Variants in CUBN observed in about 807,000 individuals in gnomAD.
The protein encoded by CUBN is 460 kDa receptor.
In CUBN, 282 loss-of-function variants were observed where a neutral mutation model predicts 405.3. The ratio of observed to expected loss-of-function variants is 0.70; its 90% CI spans 0.63 to 0.77. The LOEUF is 0.77. Among genes scored for constraint, CUBN ranks in the 30% least tolerant of loss-of-function variants. The probability of loss-of-function intolerance (pLI) is 0.00; values close to 1 mark genes in which losing one functional copy is unlikely to be tolerated. For synonymous variants in CUBN, 1,684 were observed against 1,617.0 expected (o/e 1.04, Z -0.99); for missense variants, 4,514 against 4,475.2 (o/e 1.01, Z -0.25).
At chr10:17,123,311 C>A (rs954461008) in intron 5 of CUBN, 8 of 516,434 alleles carry the variant, frequency 1.5e-5, no homozygotes, top group African/African-American at 1.5e-4. Context: ...CTTTCCAATG[C>A]TGAACAATTT....
Position 17,085,607 on chromosome 10 carries a change from T to A in CUBN, c.2100A>T (p.Leu700Phe). Residue 700 changes from leucine (L) to phenylalanine (F), a missense_variant, in exon 16 of 67, where the codon TTA becomes TTT. Transcript: ENST00000377833. ...ISDQGFHITY[L>F]TSPSDLRCGG... ...TGGTAGGTTACTTACAAGGTGATGT[T>A]AAGTAGGTGATATGGAAGCCTTGGT... 1 of 1,614,130 alleles carries A rather than the reference T, an allele frequency of 6.2e-7. No individual in the cohort carries two copies. Among genetic ancestry groups the A allele is most frequent in the Non-Finnish European group, 8.5e-7 (1 of 1,179,982 alleles).
chr10:16,877,748 A>G (rs914171384), intron 56 of CUBN, among the ~76,000 whole-genome samples: 3 of 152,234 alleles, frequency 2.0e-5, no homozygotes, highest in Non-Finnish European at 4.4e-5. Flanking sequence ...TATAATGTGA[A>G]TATATGCTCC....
rs1836827795 is a variant in CUBN, at chr10:17,114,040, C to T, written c.870G>A (p.Gly290=). The T allele has an allele frequency of 6.2e-7, 1 of 1,612,772 alleles. No individual in the cohort carries two copies. The highest frequency in any genetic ancestry group is 8.5e-7 in the Non-Finnish European group (1 of 1,179,526). Residue 290 remains glycine (G), a synonymous_variant, in exon 8 of 67, where the codon GGG becomes GGA. Transcript: ENST00000377833. Reference sequence around the variant, plus strand: ...CTGAGAATGTACCTGTTGGACAGGCCCCACAGTAGAAAGAGCCTTGAGTGT... The same window carrying T: ...CTGAGAATGTACCTGTTGGACAGGCTCCACAGTAGAAAGAGCCTTGAGTGT... ...CFNTQGSFYC[G]ACPTGWQGNG...
chr10:16,835,278 T>A lies in CUBN; in HGVS notation c.10181-83A>T. On this transcript the variant is annotated intron_variant, in intron 63 of 66. Coordinates refer to ENST00000377833, the MANE Select transcript of CUBN (RefSeq NM_001081.4). ...ACTTCACAGGAATCATTCAAAAAGA[T>A]CATTGCATTTGATAAACTTTAGAAA... The A allele has an allele frequency of 2.5e-6, 3 of 1,197,018 alleles. No homozygotes were observed. The South Asian group carries it at 3.7e-5, about 15-fold the overall frequency. The allele number at this position is 1,197,018 out of a possible 1,614,324, so 74.1% of individuals were successfully genotyped here.
Position 17,127,840 on chromosome 10 carries a change from G to T in CUBN, c.337C>A (p.Leu113Ile). 1 of 1,610,744 alleles carries T rather than the reference G, an allele frequency of 6.2e-7. No homozygotes were observed. Among genetic ancestry groups the T allele is most frequent in the Non-Finnish European group, 8.5e-7 (1 of 1,177,010 alleles). Reference protein sequence around the residue: ...PQNISSQIYQLNSKLVDLERK... With the variant: ...PQNISSQIYQINSKLVDLERK... ...GATGTCAGACTTACCTTGGAATTAAGCTGATAGATTTGACTAGATATATTT... is the reference window on the plus strand; with the variant it reads ...GATGTCAGACTTACCTTGGAATTAATCTGATAGATTTGACTAGATATATTT... The change falls in exon 3 of 67, where the codon CTT (leucine) becomes ATT (isoleucine). Residue 113 changes from leucine to isoleucine, a missense_variant. This residue lies in a region of CUBN where 1,448 missense variants were observed against 1,388.0 expected (regional missense o/e 1.04). Transcript: ENST00000377833.
chr10:17,025,829 T>G (rs557458329), intron 27 of CUBN, among the ~76,000 whole-genome samples: 77 of 152,198 alleles, frequency 5.1e-4, no homozygotes, highest in African/African-American at 1.8e-3. Flanking sequence ...CGGACAGCCA[T>G]GCAGAAACCA....
chr10:17,089,418 A>G (rs184649812), intron 14 of CUBN, among the ~76,000 whole-genome samples: 1 of 152,356 alleles, frequency 6.6e-6, no homozygotes, highest in Non-Finnish European at 1.5e-5. Context: ...CCTAAAATAT[A>G]AAGAACTTCT....
At chr10:17,072,074 G>T in intron 17 of CUBN, 103 bp from the exon 18 acceptor site, 1 of 878,658 alleles carries the variant, frequency 1.1e-6, no homozygotes, top group Non-Finnish European at 1.8e-6. Flanking sequence ...CAAAATGAAT[G>T]ATAATCCAAT....
At chr10:17,081,489 T>C (rs1222989441) in intron 17 of CUBN, among the ~76,000 whole-genome samples, 1 of 152,192 alleles carries the variant, frequency 6.6e-6, no homozygotes, top group African/African-American at 2.4e-5. Flanking sequence ...CTTTTTTTAA[T>C]TCTTTTTCAT....
chr10:16,980,650 A>G (rs1007921902), intron 31 of CUBN, among the ~76,000 whole-genome samples: 9 of 152,270 alleles, frequency 5.9e-5, no homozygotes, highest in Middle Eastern at 3.4e-3. Context: ...ATGAGAACGC[A>G]TGGACACAGG....
chr10:17,003,942 T>C (rs1833953221), intron 28 of CUBN, among the ~76,000 whole-genome samples: 2 of 152,242 alleles, frequency 1.3e-5, no homozygotes. Flanking sequence ...TGGTTCCCTT[T>C]TCCTTACTAC....
intron 14 of CUBN, among the ~76,000 whole-genome samples, chr10:17,092,315 C>T (rs192628612): frequency 6.6e-6 from 1 of 152,096 alleles, no homozygotes; most frequent in East Asian, 1.9e-4. Flanking sequence ...CCTCTACAAC[C>T]CTTAGGATTA....
Position 17,071,516 on chromosome 10 carries a change from G to A in CUBN, c.2535C>T (p.Thr845=). The A allele has an allele frequency of 6.2e-7, 1 of 1,613,724 alleles. No homozygotes were observed. Among genetic ancestry groups the A allele is most frequent in the Non-Finnish European group, 8.5e-7 (1 of 1,179,786 alleles). Residue 845 remains threonine, a synonymous_variant, in exon 19 of 67, where the codon ACC becomes ACT. Transcript: ENST00000377833. ...VYPGERTCRW[T]IHQPQSQVIL... is the part of the protein sequence containing the mutation. ...TGACTTGGCTTTGGGGCTGGTGGAT[G>A]GTCCACCTACAGGTTCTTTCTCCAG... is the stretch of plus-strand genomic sequence containing the variant.
chr10:16,926,636 T>C (rs1466918978), intron 41 of CUBN, among the ~76,000 whole-genome samples: 1 of 152,070 alleles, frequency 6.6e-6, no homozygotes, highest in Non-Finnish European at 1.5e-5. Context: ...GATTTGTTGA[T>C]GGTTAAGTGT....
At chr10:17,008,164 C>A (rs1588575365) in intron 28 of CUBN, among the ~76,000 whole-genome samples, 1 of 151,970 alleles carries the variant, frequency 6.6e-6, no homozygotes, top group East Asian at 1.9e-4. Context: ...AAAAAAATTA[C>A]AATTACACTT....
chr10:17,127,062 T>C lies in CUBN; in HGVS notation c.349-263A>G, dbSNP rs77838225. On this transcript the variant is annotated intron_variant, in intron 3 of 66. Transcript: ENST00000377833. The stretch of plus-strand genomic sequence containing the variant: ...GATAAGTTGACCGATTGCTTCTCTG[T>C]AGGCAGTGACTATGGAAATGTTCAT... Among the ~76,000 whole-genome samples the C allele has an allele frequency of 0.044, 6,721 of 152,196 alleles. 491 individuals are homozygous for C. The highest frequency in any genetic ancestry group is 0.15 in the African/African-American group (6,316 of 41,474).
Position 16,824,788 on chromosome 10 carries a change from G to A in CUBN, c.*187C>T, listed in dbSNP as rs1838724550. ...ACCTGCCTCGGCCTCCCAAAGTGCT[G>A]AGAATACAGGGGGGTGAGCCACCAC... On this transcript the variant is annotated 3_prime_UTR_variant, in exon 67 of 67. Transcript: ENST00000377833. 2 of 586,582 alleles carry A rather than the reference G, an allele frequency of 3.4e-6. No homozygotes were observed. Among genetic ancestry groups the A allele is most frequent in the Non-Finnish European group, 6.4e-6 (2 of 314,288 alleles). 36.3% of individuals were successfully genotyped at this position (586,582 alleles called of 1,614,324 possible).
At chr10:16,944,811 C>T (rs3934024) in intron 36 of CUBN, among the ~76,000 whole-genome samples, 7,345 of 152,172 alleles carry the variant, frequency 0.048, 334 homozygotes, top group East Asian at 0.2. Flanking sequence ...TGTAATCTCC[C>T]ATCCTCTGGA....
chr10:16,934,424 AC>A (rs1442755517), intron 39 of CUBN, among the ~76,000 whole-genome samples: 1 of 152,222 alleles, frequency 6.6e-6, no homozygotes, highest in East Asian at 1.9e-4. Context: ...ATGTTGTAGA[AC>A]TAGGTCCTGA....
Sources: gnomAD v4.1 joint callset for allele counts (sites outside exome capture counted in the v4.1 genomes callset) on GRCh38, gnomAD v4.1.1 for gene constraint, gnomAD v4.1.1 regional missense constraint, MANE v1.5 for transcripts, NCBI Gene and HGNC (gene_info 2026-07-23, HGNC 2026-07-21) for gene names.